The following IL1RAP variants were observed in gnomAD, a reference collection of about 807,000 sequenced individuals.
The protein encoded by IL1RAP is interleukin-1 receptor accessory protein.
In IL1RAP, 35 loss-of-function variants were observed where a neutral mutation model predicts 60.7. The observed-to-expected ratio is 0.58, with a 90% CI of 0.44 to 0.76. The LOEUF is 0.76. Among genes scored for constraint, IL1RAP ranks in the 30% least tolerant of loss-of-function variants. IL1RAP has a pLI of 0.00. For synonymous variants in IL1RAP, 268 were observed against 250.9 expected (o/e 1.07, Z -0.64); for missense variants, 572 against 693.9 (o/e 0.82, Z 1.97).
Position 190,564,361 on chromosome 3 carries a change from A to T in IL1RAP, c.64+8A>T, listed in dbSNP as rs751245011. 2.5e-6 allele frequency: 4 copies of T among 1,597,406 alleles called. No homozygotes were observed. The highest frequency in any genetic ancestry group is 3.4e-6 in the Non-Finnish European group (4 of 1,164,922). On this transcript the variant is annotated splice_region_variant and intron_variant, in intron 3 of 11. Transcript: ENST00000447382. ...TGCAAAGTGATGCCTCAGGTAAGTG[A>T]ATGGCTTTTGACAATGTATTAAAAT...
rs1479111596 is a variant in IL1RAP, at chr3:190,572,988, C to T, written c.64+8635C>T. ...ACGCCATTCTCCTGCCTCAGCCTCC[C>T]GAGTAGCTGGGACTACAGGCGCCCG... On this transcript the variant is annotated intron_variant, in intron 3 of 11. Transcript: ENST00000447382. 2.7e-4 allele frequency among the ~76,000 whole-genome samples: 25 copies of T among 93,556 alleles called. 3 individuals carry two copies. The highest frequency in any genetic ancestry group is 3.9e-4 in the Non-Finnish European group (17 of 43,146). The allele number at this position is 93,556 out of a possible 152,430, so 61.4% of individuals were successfully genotyped here. A position where few individuals can be genotyped will look rare whatever the true frequency, so the allele number is the denominator to read the frequency against.
chr3:190,648,595 C>A lies in IL1RAP; in HGVS notation c.1603C>A (p.Gln535Lys), dbSNP rs1192649873. 1 of 1,614,016 alleles carries A rather than the reference C, an allele frequency of 6.2e-7. No individual in the cohort carries two copies. ...KWKGEKSKYP[Q>K]GRFWKQLQVA... Reference sequence around the variant, plus strand: ...GAAAGGGGAAAAATCCAAGTATCCACAGGGCAGGTTCTGGAAGCAGCTGCA... The same window carrying A: ...GAAAGGGGAAAAATCCAAGTATCCAAAGGGCAGGTTCTGGAAGCAGCTGCA... Residue 535 changes from glutamine to lysine, a missense_variant, in exon 12 of 12, where the codon CAG (glutamine) becomes AAG (lysine). Transcript: ENST00000447382.
At chr3:190,529,680 T>C (rs371456004) in intron 1 of IL1RAP, among the ~76,000 whole-genome samples, 2 of 85,318 alleles carry the variant, frequency 2.3e-5, no homozygotes, top group African/African-American at 7.3e-5. Context: ...CTAGACTGTC[T>C]CAAAAGAAAA....
At chr3:190,532,154 A>G (rs1279670101) in intron 1 of IL1RAP, among the ~76,000 whole-genome samples, 1 of 152,168 alleles carries the variant, frequency 6.6e-6, no homozygotes, top group Non-Finnish European at 1.5e-5. Context: ...TGAGAGAGTC[A>G]AAGGCAAGTC....
At chr3:190,561,233 A>G (rs1725864428) in intron 2 of IL1RAP, among the ~76,000 whole-genome samples, 1 of 152,184 alleles carries the variant, frequency 6.6e-6, no homozygotes, top group South Asian at 2.1e-4. Flanking sequence ...CTTTACGATA[A>G]TAAAATTCTA....
intron 3 of IL1RAP, among the ~76,000 whole-genome samples, chr3:190,585,101 G>A (rs1233722533): frequency 6.6e-6 from 1 of 152,140 alleles, no homozygotes; most frequent in Non-Finnish European, 1.5e-5. Context: ...ATACTTTGAG[G>A]CCCCGAAGAG....
intron 5 of IL1RAP, among the ~76,000 whole-genome samples, chr3:190,611,698 C>T (rs1424818611): frequency 1.3e-5 from 2 of 152,062 alleles, no homozygotes; most frequent in Admixed American, 1.3e-4. Context: ...AGTTCCTGGA[C>T]CTGACTGATG....
In IL1RAP at chr3:190,629,988, T is replaced by C. The variant is rs115380100; in HGVS notation, c.1051+490T>C. The C allele has an allele frequency of 8.9e-5, 77 of 867,558 alleles. No homozygotes were observed. The African/African-American group carries it at 1.4e-3, about 16-fold the overall frequency. 53.7% of individuals were successfully genotyped at this position (867,558 alleles called of 1,614,324 possible). On this transcript the variant is annotated intron_variant, in intron 9 of 11. Transcript: ENST00000447382. ...GGGAATTATATACCTTTTAATATTA[T>C]TAGAAGCATTATCTGTAGTTGTAAA...
chr3:190,580,736 T>C (rs1727925469), intron 3 of IL1RAP, among the ~76,000 whole-genome samples: 4 of 152,180 alleles, frequency 2.6e-5, no homozygotes, highest in Admixed American at 2.0e-4. Flanking sequence ...TTAGTGCCTA[T>C]GGTTAACAAT....
In IL1RAP at chr3:190,648,620, A is replaced by G; in HGVS notation, c.1628A>G (p.Gln543Arg). The G allele has an allele frequency of 6.2e-7, 1 of 1,614,216 alleles. No homozygotes were observed. Among genetic ancestry groups the G allele is most frequent in the South Asian group, 1.1e-5 (1 of 91,088 alleles). Residue 543 changes from glutamine to arginine, a missense_variant, in exon 12 of 12, where the codon CAG (glutamine) becomes CGG (arginine). Physicochemically the swap from Gln to Arg is conservative, Grantham distance 43. Coordinates refer to ENST00000447382, the MANE Select transcript of IL1RAP (RefSeq NM_002182.4). ...YPQGRFWKQL[Q>R]VAMPVKKSPR... ...CAGGGCAGGTTCTGGAAGCAGCTGCAGGTGGCCATGCCAGTGAAGAAAAGT... is the reference window on the plus strand; with the variant it reads ...CAGGGCAGGTTCTGGAAGCAGCTGCGGGTGGCCATGCCAGTGAAGAAAAGT...
At chr3:190,550,939 A>G (rs993880224) in intron 1 of IL1RAP, among the ~76,000 whole-genome samples, 3 of 152,244 alleles carry the variant, frequency 2.0e-5, no homozygotes, top group African/African-American at 4.8e-5. Context: ...GATTATTTGC[A>G]TAAAGTACAG....
chr3:190,588,078 A>G (rs765588192), intron 3 of IL1RAP, among the ~76,000 whole-genome samples: 1 of 152,128 alleles, frequency 6.6e-6, no homozygotes, highest in Admixed American at 6.5e-5. Context: ...TCCTACCTCA[A>G]AGCATACGGA....
intron 7 of IL1RAP, among the ~76,000 whole-genome samples, chr3:190,625,391 T>G (rs529585886): frequency 6.6e-6 from 1 of 152,010 alleles, no homozygotes; most frequent in South Asian, 2.1e-4. Context: ...GGAGTAAAAG[T>G]GGCTGTGGCA....
chr3:190,536,724 G>A (rs1470531948), intron 1 of IL1RAP, among the ~76,000 whole-genome samples: 1 of 152,096 alleles, frequency 6.6e-6, no homozygotes, highest in East Asian at 1.9e-4. Context: ...GTGTGAATTA[G>A]GGTGACAACC....
chr3:190,650,360 A>T lies in IL1RAP; in HGVS notation c.*1655A>T. 1.0e-6 allele frequency: 1 copy of T among 985,466 alleles called. No homozygotes were observed. Among genetic ancestry groups the T allele is most frequent in the South Asian group, 4.7e-5 (1 of 21,292 alleles). The allele number at this position is 985,466 out of a possible 1,614,324, so 61.0% of individuals were successfully genotyped here. On this transcript the variant is annotated 3_prime_UTR_variant, in exon 12 of 12. Transcript: ENST00000447382. ...AGAGCTTCCATGGTCACTGCTAAGC[A>T]GTAGCCAGCCATCGGGCATTAATTG...
intron 9 of IL1RAP, among the ~76,000 whole-genome samples, chr3:190,635,824 T>C (rs1733177006): frequency 6.6e-6 from 1 of 152,196 alleles, no homozygotes; most frequent in African/African-American, 2.4e-5. Context: ...TAGAACTACC[T>C]GAGAGAACTA....
chr3:190,567,511 C>T (rs1726521797), intron 3 of IL1RAP, among the ~76,000 whole-genome samples: 1 of 152,096 alleles, frequency 6.6e-6, no homozygotes, highest in Admixed American at 6.5e-5. Flanking sequence ...TTGTATTACT[C>T]GAAGTCACAC....
At chr3:190,647,971 T>C (rs10433494) in intron 11 of IL1RAP, among the ~76,000 whole-genome samples, 7,465 of 152,304 alleles carry the variant, frequency 0.049, 535 homozygotes, top group African/African-American at 0.16. Context: ...TGAGCTGACG[T>C]GGCTAGACCA....
chr3:190,515,634 A>T (rs988298226), intron 1 of IL1RAP, among the ~76,000 whole-genome samples: 8 of 151,716 alleles, frequency 5.3e-5, no homozygotes, highest in African/African-American at 1.7e-4. Context: ...TTTAGGTCAA[A>T]CCTCAGGCCT....
Sources: allele counts gnomAD v4.1 joint callset (sites outside exome capture counted in the v4.1 genomes callset), GRCh38; gene constraint gnomAD v4.1.1; transcripts MANE v1.5; gene names NCBI Gene and HGNC (gene_info 2026-07-23, HGNC 2026-07-21).